SCN9A: variants seen among roughly 807,000 people sequenced by gnomAD.
SCN9A encodes the protein sodium voltage-gated channel alpha subunit 9.
SCN9A carries 131 observed loss-of-function variants against 187.0 expected under a neutral mutation model. The observed-to-expected ratio is 0.70, with a 90% CI of 0.61 to 0.81. The LOEUF (loss-of-function observed/expected upper bound fraction) is 0.81. Ranked by LOEUF, SCN9A falls within the 30% of genes least tolerant of loss-of-function variation. The pLI, the probability that SCN9A is intolerant of heterozygous loss-of-function variation, is 0.00. For synonymous variants in SCN9A, 809 were observed against 808.6 expected (o/e 1.00, Z -0.01); for missense variants, 2,252 against 2,396.6 (o/e 0.94, Z 1.26).
chr2:166,351,893 G>T (rs1243162418), intron 1 of SCN9A, among the ~76,000 whole-genome samples: 1 of 152,130 alleles, frequency 6.6e-6, no homozygotes, highest in East Asian at 1.9e-4. Context: ...ATGTTTATGT[G>T]CAAAATAATG....
chr2:166,292,873 G>A (rs930528996), intron 9 of SCN9A, among the ~76,000 whole-genome samples: 2 of 152,122 alleles, frequency 1.3e-5, no homozygotes, highest in Admixed American at 1.3e-4. Flanking sequence ...GAACATCAGA[G>A]AGCCTCTTCT....
At chr2:166,340,375 T>A (rs1356962289) in intron 1 of SCN9A, among the ~76,000 whole-genome samples, 3 of 152,192 alleles carry the variant, frequency 2.0e-5, no homozygotes, top group Non-Finnish European at 4.4e-5. Flanking sequence ...AGTTTTACTT[T>A]CTCAACTACT....
At chr2:166,208,322 A>G (rs969068916) in intron 24 of SCN9A, among the ~76,000 whole-genome samples, 4 of 152,202 alleles carry the variant, frequency 2.6e-5, no homozygotes, top group African/African-American at 9.7e-5. Flanking sequence ...CCACCTCATC[A>G]TTATAAGAGT....
intron 1 of SCN9A, among the ~76,000 whole-genome samples, chr2:166,372,626 T>G (rs1177413552): frequency 3.9e-5 from 6 of 152,146 alleles, no homozygotes; most frequent in Non-Finnish European, 8.8e-5. Flanking sequence ...TCACCTACAC[T>G]GATAAAAGAG....
rs976195308 is a variant in SCN9A, at chr2:166,277,318, T to C, written c.2539A>G (p.Lys847Glu). Residue 847 changes from lysine to glutamate, a missense_variant, in exon 16 of 27, where the codon AAA (lysine) becomes GAA (glutamate). Lys to Glu is a moderately conservative substitution (Grantham distance 56). Around this residue, in one of 7 missense-constraint regions of SCN9A, gnomAD observed 119 missense variants for 188.7 expected, o/e 0.63. Transcript: ENST00000642356. ...FRLLRVFKLA[K>E]SWPTLNMLIK... Reference sequence around the variant, plus strand: ...AGCATGTTCAATGTTGGCCAGGATTTTGCCAACTTGAAGACTCGGAGCTAA... The same window carrying C: ...AGCATGTTCAATGTTGGCCAGGATTCTGCCAACTTGAAGACTCGGAGCTAA... 1.2e-6 allele frequency: 2 copies of C among 1,608,412 alleles called. No individual in the cohort carries two copies. The highest frequency in any genetic ancestry group is 1.7e-6 in the Non-Finnish European group (2 of 1,175,566).
At position 166,288,775 on chromosome 2, in the gene SCN9A, A is replaced by G. The variant is rs560067647; in HGVS notation, c.1108-132T>C. ...TATCAAAAATATAAAGAGAAAAGTT[A>G]TATCTTCATGGAAAACAAATATTAA... On this transcript the variant is annotated intron_variant, in intron 9 of 26. Transcript: ENST00000642356. The G allele has an allele frequency of 2.1e-4, 131 of 613,574 alleles. No individual in the cohort carries two copies. In the Middle Eastern group the frequency reaches 2.6e-3, roughly 12 times the overall value. The allele number at this position is 613,574 out of a possible 1,614,324, so 38.0% of individuals were successfully genotyped here. A position where few individuals can be genotyped will look rare whatever the true frequency, so the allele number is the denominator to read the frequency against.
chr2:166,254,885 G>A lies in SCN9A; in HGVS notation c.3352-3000C>T, dbSNP rs537633486. 1.7e-4 allele frequency among the ~76,000 whole-genome samples: 26 copies of A among 151,428 alleles called. 1 individual carries two copies. In the East Asian group the frequency reaches 4.5e-3, roughly 26 times the overall value. On this transcript the variant is annotated intron_variant, in intron 17 of 26. Coordinates refer to ENST00000642356, the MANE Select transcript of SCN9A (RefSeq NM_001365536.1). ...ATATAAGCATAGGATCAAGAAGGTG[G>A]ACTCACTAGTATTAGGAATCAGAAG...
rs73969685 is a variant in SCN9A at position 166,305,958 on chromosome 2, A to G, written c.468-38T>C. 4,183 of 1,606,978 alleles carry G rather than the reference A, an allele frequency of 2.6e-3. 111 individuals are homozygous for G. In the African/African-American group the frequency reaches 0.049, roughly 19 times the overall value. On this transcript the variant is annotated intron_variant, in intron 4 of 26. Transcript: ENST00000642356. ...TTCCATTGGGATACTAGATGTGAAA[A>G]GAATACAACCACCATGTAAATCTTT...
rs202153871 is a variant in SCN9A, at chr2:166,272,712, G to T, written c.3038C>A (p.Ala1013Glu). The T allele has an allele frequency of 1.9e-6, 3 of 1,595,336 alleles. No individual in the cohort carries two copies. In the African/African-American group the frequency reaches 4.1e-5, roughly 22 times the overall value. The change falls in exon 17 of 27, where the codon GCA becomes GAA. Residue 1013 changes from alanine (A) to glutamate (E), a missense_variant. Ala to Glu is a moderately radical substitution (Grantham distance 107). Transcript: ENST00000642356. ...GGAAATCTTTGGCTTTTTGGAAAAT[G>T]CTTTTAGAATAAATTCACGTAAGGT... ...KQTLREFILK[A>E]FSKKPKISRE...
At chr2:166,264,316 G>C (rs764686874) in intron 17 of SCN9A, among the ~76,000 whole-genome samples, 1 of 151,886 alleles carries the variant, frequency 6.6e-6, no homozygotes, top group Non-Finnish European at 1.5e-5. Flanking sequence ...TTAATGTTTG[G>C]AGTGTGCTTG....
chr2:166,270,006 AGAT>A (rs1696906047), intron 17 of SCN9A, among the ~76,000 whole-genome samples: 1 of 152,102 alleles, frequency 6.6e-6, no homozygotes, highest in Admixed American at 6.6e-5. Context: ...TACTAAACCT[AGAT>A]GCCTGCTCCT....
chr2:166,223,452 G>A (rs1228527029), intron 24 of SCN9A, among the ~76,000 whole-genome samples: 1 of 152,154 alleles, frequency 6.6e-6, no homozygotes, highest in Non-Finnish European at 1.5e-5. Flanking sequence ...AATGAACCTG[G>A]ATAAATTTAT....
At chr2:166,232,731 G>T (rs955400762) in intron 21 of SCN9A, among the ~76,000 whole-genome samples, 1 of 40,354 alleles carries the variant, frequency 2.5e-5, no homozygotes, top group African/African-American at 1.2e-4. Context: ...GAAATACTGT[G>T]TGTGTATATA....
Position 166,311,300 on chromosome 2 carries a change from A to T in SCN9A, c.258+199T>A, listed in dbSNP as rs1406887492. Among the ~76,000 whole-genome samples the T allele has an allele frequency of 2.3e-5, 3 of 129,338 alleles. 1 individual carries two copies. The highest frequency in any genetic ancestry group is 3.3e-5 in the Non-Finnish European group (2 of 61,198). The allele number at this position is 129,338 out of a possible 152,430, so 84.9% of individuals were successfully genotyped here. A position where few individuals can be genotyped will look rare whatever the true frequency, so the allele number is the denominator to read the frequency against. On this transcript the variant is annotated intron_variant, in intron 2 of 26. Transcript: ENST00000642356. ...CAATGCCAGAGCCAATTTCAATGAA[A>T]AATTTGAAAAAGTACAGATTCTGAA...
chr2:166,347,600 A>G (rs758213818), intron 1 of SCN9A, among the ~76,000 whole-genome samples: 36 of 152,178 alleles, frequency 2.4e-4, no homozygotes, highest in Non-Finnish European at 5.0e-4. Context: ...CCTCTCAACT[A>G]AATGCTTTGT....
chr2:166,228,649 T>C, intron 22 of SCN9A, 42 bp downstream of exon 22: 1 of 1,467,402 alleles, frequency 6.8e-7, no homozygotes, highest in Non-Finnish European at 9.4e-7. Context: ...CTTCGTCCAA[T>C]ATCTATTAAA....
In SCN9A at chr2:166,277,229, G is replaced by A. The variant is rs772981944; in HGVS notation, c.2628C>T (p.Ile876=). 5.6e-6 allele frequency: 9 copies of A among 1,613,946 alleles called. No homozygotes were observed. The highest frequency in any genetic ancestry group is 7.6e-6 in the Non-Finnish European group (9 of 1,179,986). The part of the protein sequence containing the change: ...LGNLTLVLAI[I]VFIFAVVGMQ... Reference sequence around the variant, plus strand: ...TGCCGACCACAGCAAAAATGAAGACGATGATGGCCAACACTAAGGTGAGGT... The same window carrying A: ...TGCCGACCACAGCAAAAATGAAGACAATGATGGCCAACACTAAGGTGAGGT... Residue 876 remains isoleucine (I), a synonymous_variant, in exon 16 of 27, where the codon ATC becomes ATT. Coordinates refer to ENST00000642356, the MANE Select transcript of SCN9A (RefSeq NM_001365536.1).
chr2:166,308,965 A>G (rs1698852679), intron 2 of SCN9A, among the ~76,000 whole-genome samples: 1 of 151,278 alleles, frequency 6.6e-6, no homozygotes, highest in Non-Finnish European at 1.5e-5. Context: ...ATGTATAGTC[A>G]GAAACTATAT....
At chr2:166,243,100 T>G (rs528136456) in intron 18 of SCN9A, among the ~76,000 whole-genome samples, 1 of 152,180 alleles carries the variant, frequency 6.6e-6, no homozygotes, top group South Asian at 2.1e-4. Context: ...TAAACAATAT[T>G]GAGAAAATTA....
Sources: gnomAD v4.1 joint callset for allele counts (sites outside exome capture counted in the v4.1 genomes callset) on GRCh38, gnomAD v4.1.1 for gene constraint, gnomAD v4.1.1 regional missense constraint, MANE v1.5 for transcripts, NCBI Gene and HGNC (gene_info 2026-07-23, HGNC 2026-07-21) for gene names.